DKK4: variants seen among roughly 807,000 people sequenced by gnomAD.
The protein encoded by DKK4 is dickkopf Wnt signaling pathway inhibitor 4.
Under a neutral mutation model 14.5 loss-of-function variants are expected in DKK4, and 15 were observed. The observed-to-expected ratio is 1.03, with a 90% CI of 0.69 to 1.59. The LOEUF (loss-of-function observed/expected upper bound fraction) is 1.59. Ranked by LOEUF, DKK4 falls within the 40% of genes most tolerant of loss-of-function variation. DKK4 has a pLI of 0.00. For synonymous variants in DKK4, 89 were observed against 105.2 expected (o/e 0.85, Z 0.94); for missense variants, 272 against 280.3 (o/e 0.97, Z 0.21).
chr8:42,388,514 G>A, the DKK4 span, among the ~76,000 whole-genome samples: 1 of 150,976 alleles, frequency 6.6e-6, no homozygotes, highest in Non-Finnish European at 1.5e-5. Context: ...ATAGGTGCAA[G>A]GCACCGCACC....
At chr8:42,384,267 C>T in the DKK4 span, among the ~76,000 whole-genome samples, 53 of 152,288 alleles carry the variant, frequency 3.5e-4, 1 homozygote, top group East Asian at 9.7e-3. Flanking sequence ...GCTCAGCTCC[C>T]CGAGTAGCTG....
chr8:42,387,062 G>A, the DKK4 span, among the ~76,000 whole-genome samples: 1 of 152,214 alleles, frequency 6.6e-6, no homozygotes, highest in Non-Finnish European at 1.5e-5. Context: ...GATGCTCTGG[G>A]TGTTTCCCTG....
At chr8:42,385,075 C>T in the DKK4 span, among the ~76,000 whole-genome samples, 2 of 152,112 alleles carry the variant, frequency 1.3e-5, no homozygotes, top group African/African-American at 4.8e-5. Context: ...CTCCATAAAA[C>T]AACTTAGTAA....
At chr8:42,374,401 A>T (rs563039298) in intron 3 of DKK4, 42 bp from the exon 4 acceptor site, 2 of 1,608,082 alleles carry the variant, frequency 1.2e-6, no homozygotes, top group East Asian at 4.5e-5. Context: ...AAATAAGGAA[A>T]GTGGCCTGCT....
chr8:42,375,569 G>T, intron 2 of DKK4, 111 bp downstream of exon 2: 1 of 1,305,616 alleles, frequency 7.7e-7, no homozygotes, highest in Non-Finnish European at 1.0e-6. Context: ...TTTACTTCAA[G>T]CATGAATCTA....
upstream of DKK4, among the ~76,000 whole-genome samples, chr8:42,379,350 C>A (rs1277202546): frequency 5.7e-5 from 1 of 17,424 alleles, no homozygotes; most frequent in Non-Finnish European, 1.3e-4. Context: ...GGAGATTAAG[C>A]CTATATATAT....
chr8:42,381,213 G>A (rs1454328600), upstream of DKK4, among the ~76,000 whole-genome samples: 1 of 152,028 alleles, frequency 6.6e-6, no homozygotes, highest in Non-Finnish European at 1.5e-5. Flanking sequence ...AGGGGAGGAG[G>A]AGCTGGGATG....
At chr8:42,379,188 T>G (rs1824617974), upstream of DKK4, among the ~76,000 whole-genome samples, 1 of 148,028 alleles carries the variant, frequency 6.8e-6, no homozygotes, top group South Asian at 2.1e-4. Context: ...GAGACCGAGG[T>G]TGCAGTGAGC....
At chr8:42,383,174 A>C in the DKK4 span, among the ~76,000 whole-genome samples, 3 of 152,222 alleles carry the variant, frequency 2.0e-5, no homozygotes, top group Non-Finnish European at 2.9e-5. Flanking sequence ...GGATGTGATC[A>C]CAGAGATGAC....
chr8:42,375,193 A>T (rs926809211), intron 2 of DKK4, among the ~76,000 whole-genome samples: 1 of 152,234 alleles, frequency 6.6e-6, no homozygotes, highest in Non-Finnish European at 1.5e-5. Flanking sequence ...TAAAATCATT[A>T]TCTCCAAGTC....
At chr8:42,376,701 G>A (rs147266657) in intron 1 of DKK4, among the ~76,000 whole-genome samples, 16 of 152,140 alleles carry the variant, frequency 1.1e-4, no homozygotes, top group Admixed American at 2.0e-4. Flanking sequence ...CGTTTATTTC[G>A]TGATTTATAG....
In DKK4 at chr8:42,374,139, A is replaced by G. The variant is rs573970366; in HGVS notation, c.636T>C (p.His212=). The stretch of plus-strand genomic sequence containing the variant: ...TTTTTTGGCATACTCTTAATCGAGC[A>G]TGCTGCCGATTGCTGGTCAATTGGC... ...CRSQLTSNRQ[H]ARLRVCQKIE... is the part of the protein sequence containing the mutation. Residue 212 remains histidine (H), a synonymous_variant, in exon 4 of 4, where the codon CAT becomes CAC. Coordinates refer to ENST00000220812, the MANE Select transcript of DKK4 (RefSeq NM_014420.3). 31 of 1,612,886 alleles carry G rather than the reference A, an allele frequency of 1.9e-5. No individual in the cohort carries two copies. The highest frequency in any genetic ancestry group is 3.3e-5 in the South Asian group (3 of 90,932).
At chr8:42,390,993 C>T in the DKK4 span, among the ~76,000 whole-genome samples, 1 of 152,182 alleles carries the variant, frequency 6.6e-6, no homozygotes, top group African/African-American at 2.4e-5. Flanking sequence ...CAATTATTAT[C>T]ATGGTGGTTC....
intron 1 of DKK4, among the ~76,000 whole-genome samples, chr8:42,376,232 T>C (rs1297948413): frequency 6.6e-6 from 1 of 152,168 alleles, no homozygotes; most frequent in African/African-American, 2.4e-5. Flanking sequence ...TTTTTTACTC[T>C]AGTGAATCAC....
upstream of DKK4, among the ~76,000 whole-genome samples, chr8:42,382,008 C>CA (rs1300790084): frequency 2.0e-5 from 3 of 152,092 alleles, no homozygotes; most frequent in African/African-American, 7.2e-5. Context: ...AAAACAAAAA[C>CA]AAAAACACGA....
At chr8:42,380,067 A>G (rs979867479), upstream of DKK4, among the ~76,000 whole-genome samples, 1 of 152,072 alleles carries the variant, frequency 6.6e-6, no homozygotes, top group African/African-American at 2.4e-5. Context: ...GCATGCCAGC[A>G]CTTGCCTGTA....
the DKK4 span, among the ~76,000 whole-genome samples, chr8:42,390,737 T>TCA: frequency 2.6e-5 from 4 of 152,178 alleles, no homozygotes; most frequent in African/African-American, 9.7e-5. Flanking sequence ...TGCAGGTCTC[T>TCA]CAGTTTGGAT....
intron 1 of DKK4, among the ~76,000 whole-genome samples, chr8:42,376,377 G>A (rs1824564909): frequency 6.6e-6 from 1 of 152,120 alleles, no homozygotes; most frequent in Non-Finnish European, 1.5e-5. Context: ...ATACAACGTA[G>A]GTGTAGCATA....
chr8:42,374,656 GTTT>G lies in DKK4; in HGVS notation c.415+102_415+104del, dbSNP rs1448679526. 14 of 1,487,178 alleles carry G rather than the reference GTTT, an allele frequency of 9.4e-6. No individual in the cohort carries two copies. In the African/African-American group the frequency reaches 2.0e-4, roughly 21 times the overall value. 92.1% of individuals were successfully genotyped at this position (1,487,178 alleles called of 1,614,324 possible). On this transcript the variant is annotated intron_variant, in intron 3 of 3. Coordinates refer to ENST00000220812, the MANE Select transcript of DKK4 (RefSeq NM_014420.3). ...AACAAACAGCACATGCTTCCTAAGT[GTTT>G]CTGGGATGGAGAAGAATAAAATCAG...
Sources: gnomAD v4.1 joint callset for allele counts (sites outside exome capture counted in the v4.1 genomes callset) on GRCh38, gnomAD v4.1.1 for gene constraint, MANE v1.5 for transcripts, NCBI Gene and HGNC (gene_info 2026-07-23, HGNC 2026-07-21) for gene names.